Variants in CALN1 observed in about 807,000 individuals in gnomAD.
CALN1 encodes calneuron 1.
A neutral mutation model predicts 30.6 loss-of-function variants in CALN1; 17 were observed. The ratio of observed to expected loss-of-function variants is 0.56; its 90% CI spans 0.38 to 0.83. The LOEUF is 0.83. Among genes scored for constraint, CALN1 ranks in the 40% least tolerant of loss-of-function variants. The pLI, the probability that CALN1 is intolerant of heterozygous loss-of-function variation, is 0.00. For missense variants in CALN1, 291 were observed against 354.9 expected, an observed-to-expected ratio of 0.82 and a Z score of 1.45; for synonymous variants, 156 against 131.4, an observed-to-expected ratio of 1.19 and a Z score of -1.28.
chr7:72,359,640 C>A lies in CALN1; in HGVS notation c.119+43611G>T, dbSNP rs1048239091. On this transcript the variant is annotated intron_variant, in intron 2 of 6. Coordinates refer to ENST00000395275, the MANE Select transcript of CALN1 (RefSeq NM_031468.4). ...TAACCTGATTCCAATCATGAGAAAA[C>A]CTCATACAAACTCAATCAAGTGGAG... 3.9e-5 allele frequency among the ~76,000 whole-genome samples: 6 copies of A among 152,006 alleles called. No individual in the cohort carries two copies. The South Asian group carries it at 1.2e-3, about 32-fold the overall frequency.
intron 5 of CALN1, among the ~76,000 whole-genome samples, chr7:71,926,504 C>A (rs1388571576): frequency 6.6e-6 from 1 of 152,162 alleles, no homozygotes; most frequent in Non-Finnish European, 1.5e-5. Flanking sequence ...TTACAGGGTT[C>A]TCTGAGCATC....
chr7:72,284,742 C>A (rs1453423310), intron 2 of CALN1, among the ~76,000 whole-genome samples: 1 of 152,082 alleles, frequency 6.6e-6, no homozygotes, highest in Non-Finnish European at 1.5e-5. Flanking sequence ...TGACAGCAGA[C>A]TGTGGAATTT....
At chr7:71,902,693 C>A (rs1793923647) in intron 5 of CALN1, among the ~76,000 whole-genome samples, 1 of 152,108 alleles carries the variant, frequency 6.6e-6, no homozygotes, top group Non-Finnish European at 1.5e-5. Context: ...AAGTTATATT[C>A]TTGTATGTTT....
chr7:71,930,174 G>T (rs927216915), intron 5 of CALN1, among the ~76,000 whole-genome samples: 6 of 152,056 alleles, frequency 3.9e-5, no homozygotes, highest in African/African-American at 1.4e-4. Context: ...GGCTATTTTT[G>T]ACCTATAGTT....
chr7:72,306,859 T>C (rs1021853403), intron 2 of CALN1, among the ~76,000 whole-genome samples: 22 of 152,124 alleles, frequency 1.4e-4, no homozygotes, highest in Non-Finnish European at 2.8e-4. Flanking sequence ...TCTCGGGCCA[T>C]GGTCACTCCT....
At chr7:72,122,187 G>T (rs560267429) in intron 3 of CALN1, among the ~76,000 whole-genome samples, 6 of 152,192 alleles carry the variant, frequency 3.9e-5, no homozygotes, top group Non-Finnish European at 7.4e-5. Context: ...GAACAACATG[G>T]CAATAATCAA....
intron 3 of CALN1, among the ~76,000 whole-genome samples, chr7:72,187,969 A>C (rs1404162849): frequency 6.6e-6 from 1 of 152,044 alleles, no homozygotes; most frequent in Non-Finnish European, 1.5e-5. Context: ...AAATCAAAAA[A>C]CAATAGATGT....
chr7:72,313,008 T>C (rs1800159830), intron 2 of CALN1, among the ~76,000 whole-genome samples: 1 of 152,146 alleles, frequency 6.6e-6, no homozygotes, highest in African/African-American at 2.4e-5. Flanking sequence ...CTAATTTTTG[T>C]GTTTTTAGTA....
At chr7:72,276,924 CAT>C (rs542527124) in intron 3 of CALN1, among the ~76,000 whole-genome samples, 13 of 152,358 alleles carry the variant, frequency 8.5e-5, no homozygotes, top group Middle Eastern at 6.8e-3. Context: ...CTCTCTCCAC[CAT>C]ATGAGGACAC....
At chr7:72,467,725 A>G in the CALN1 span, among the ~76,000 whole-genome samples, 1 of 152,182 alleles carries the variant, frequency 6.6e-6, no homozygotes, top group African/African-American at 2.4e-5. Context: ...TCTTTTTAAA[A>G]AATATATTTT....
At chr7:72,134,235 C>T (rs977035741) in intron 3 of CALN1, among the ~76,000 whole-genome samples, 3 of 152,186 alleles carry the variant, frequency 2.0e-5, no homozygotes, top group Non-Finnish European at 4.4e-5. Flanking sequence ...CCTGCTGGCA[C>T]CTTGATCTTA....
intron 2 of CALN1, among the ~76,000 whole-genome samples, chr7:72,355,411 A>G (rs984043831): frequency 6.6e-6 from 1 of 152,170 alleles, no homozygotes; most frequent in African/African-American, 2.4e-5. Flanking sequence ...CTGTAATCCC[A>G]GCTACTCAGG....
intron 1 of CALN1, among the ~76,000 whole-genome samples, chr7:72,429,831 ATATT>A (rs1189500752): frequency 6.6e-6 from 1 of 150,810 alleles, no homozygotes; most frequent in African/African-American, 2.4e-5. Flanking sequence ...GTCTATATAT[ATATT>A]TGAGATGGAG....
At chr7:72,369,758 C>T (rs1285972337) in intron 2 of CALN1, among the ~76,000 whole-genome samples, 1 of 152,128 alleles carries the variant, frequency 6.6e-6, no homozygotes, top group Non-Finnish European at 1.5e-5. Flanking sequence ...TGTTGTCTGG[C>T]TTCATCTCAG....
intron 1 of CALN1, among the ~76,000 whole-genome samples, chr7:72,422,215 T>C (rs1807634613): frequency 1.3e-5 from 2 of 152,236 alleles, no homozygotes; most frequent in African/African-American, 4.8e-5. Context: ...CTGTTTTCCA[T>C]AGTGGCCGTA....
At chr7:72,099,309 C>G (rs879281951) in intron 4 of CALN1, among the ~76,000 whole-genome samples, 3 of 142,480 alleles carry the variant, frequency 2.1e-5, no homozygotes, top group Non-Finnish European at 3.0e-5. Context: ...CATCCACATA[C>G]TAGTTTGGTG....
intron 3 of CALN1, among the ~76,000 whole-genome samples, chr7:72,163,081 C>CA (rs1487694627): frequency 6.6e-6 from 1 of 152,108 alleles, no homozygotes; most frequent in Admixed American, 6.6e-5. Context: ...GCTGGAGAGA[C>CA]AGAGTTTGGG....
At chr7:72,115,406 G>T (rs1324971386) in intron 3 of CALN1, among the ~76,000 whole-genome samples, 14 of 146,898 alleles carry the variant, frequency 9.5e-5, no homozygotes, top group Non-Finnish European at 1.9e-4. Flanking sequence ...TTTAATTAAG[G>T]TCAAAAATAT....
intron 2 of CALN1, among the ~76,000 whole-genome samples, chr7:72,401,520 A>C (rs1806342699): frequency 6.6e-6 from 1 of 152,142 alleles, no homozygotes; most frequent in African/African-American, 2.4e-5. Flanking sequence ...GCAACAAGCC[A>C]GAAGGTGTAG....
Sources: allele counts gnomAD v4.1 joint callset (sites outside exome capture counted in the v4.1 genomes callset), GRCh38; gene constraint gnomAD v4.1.1; transcripts MANE v1.5; gene names NCBI Gene and HGNC (gene_info 2026-07-23, HGNC 2026-07-21).